The following ACSL3 variants were observed in gnomAD, a reference collection of about 807,000 sequenced individuals.
ACSL3 encodes the protein acyl-CoA synthetase long chain family member 3.
Under a neutral mutation model 84.7 loss-of-function variants are expected in ACSL3, and 34 were observed. That is an observed-to-expected ratio of 0.40 (90% CI 0.31 to 0.53). The LOEUF (loss-of-function observed/expected upper bound fraction) is 0.53. Ranked by LOEUF, ACSL3 falls within the 20% of genes least tolerant of loss-of-function variation. The probability of loss-of-function intolerance (pLI) is 0.48; values close to 1 mark genes in which losing one functional copy is unlikely to be tolerated. For synonymous variants in ACSL3, 315 were observed against 299.4 expected, an observed-to-expected ratio of 1.05 and a Z score of -0.54; for missense variants, 680 against 873.1, an observed-to-expected ratio of 0.78 and a Z score of 2.79.
intron 1 of ACSL3, among the ~76,000 whole-genome samples, chr2:222,885,358 C>T (rs1695693650): frequency 6.6e-6 from 1 of 151,984 alleles, no homozygotes; most frequent in South Asian, 2.1e-4. Context: ...TCTTGTTTGC[C>T]ATATCTTTGC....
intron 3 of ACSL3, among the ~76,000 whole-genome samples, chr2:222,903,491 C>G (rs546167923): frequency 6.6e-6 from 1 of 150,988 alleles, no homozygotes; most frequent in Non-Finnish European, 1.5e-5. Flanking sequence ...TTGTGAAACA[C>G]TCAAAGATGT....
intron 12 of ACSL3, 126 bp from the exon 13 acceptor site, chr2:222,928,736 C>G: frequency 1.2e-6 from 1 of 823,236 alleles, no homozygotes; most frequent in East Asian, 2.8e-5. Flanking sequence ...TATGTGACTT[C>G]TGCTTTTAAG....
chr2:222,924,703 C>G, intron 11 of ACSL3, 108 bp downstream of exon 11: 1 of 1,248,920 alleles, frequency 8.0e-7, no homozygotes, highest in Non-Finnish European at 1.1e-6. Context: ...AAATATATTT[C>G]ATAAAGTCAA....
chr2:222,933,482 T>A (rs1035622501), intron 15 of ACSL3: 2 of 474,832 alleles, frequency 4.2e-6, no homozygotes, highest in Non-Finnish European at 3.7e-6. Flanking sequence ...CTGTCCCTGT[T>A]TTCTGCTTTA....
At position 222,943,767 on chromosome 2, in the gene ACSL3, A is replaced by G. The variant is rs1006654663; in HGVS notation, c.*2113A>G. 6.6e-6 allele frequency: 1 copy of G among 152,106 alleles called. No individual in the cohort carries two copies. Among genetic ancestry groups the G allele is most frequent in the Non-Finnish European group, 1.5e-5 (1 of 67,968 alleles). The allele number at this position is 152,106 out of a possible 1,614,324, so 9.4% of individuals were successfully genotyped here. ...GTGACTTAAAAAATAATATCCTCTAAAATTACCCTTTCAAGAGGAAAAAAC... is the reference window on the plus strand; with the variant it reads ...GTGACTTAAAAAATAATATCCTCTAGAATTACCCTTTCAAGAGGAAAAAAC... On this transcript the variant is annotated 3_prime_UTR_variant, in exon 17 of 17. Coordinates refer to ENST00000357430, the MANE Select transcript of ACSL3 (RefSeq NM_004457.5).
chr2:222,900,035 T>C (rs1033233124), intron 2 of ACSL3, among the ~76,000 whole-genome samples: 1 of 152,192 alleles, frequency 6.6e-6, no homozygotes, highest in Non-Finnish European at 1.5e-5. Context: ...CAAACGCCTC[T>C]GACAGTAATA....
At position 222,919,102 on chromosome 2, in the gene ACSL3, CA is replaced by C; in HGVS notation, c.706del (p.Thr236LeufsTer48). ...SLVPRLRHII[T>X]VDGKPPTWSE... The stretch of plus-strand genomic sequence containing the variant: ...TGGTCCCACGCCTGCGGCACATCAT[CA>C]CTGTTGATGGAAAGCCACCGACCTG... On this transcript the variant is annotated frameshift_variant, in exon 7 of 17. Transcript: ENST00000357430. LOFTEE classifies it high-confidence loss of function. The C allele has an allele frequency of 6.2e-7, 1 of 1,614,134 alleles. No homozygotes were observed. The highest frequency in any genetic ancestry group is 8.5e-7 in the Non-Finnish European group (1 of 1,180,002).
intron 11 of ACSL3, among the ~76,000 whole-genome samples, chr2:222,925,070 C>G (rs1407185450): frequency 6.6e-6 from 1 of 151,520 alleles, no homozygotes; most frequent in Non-Finnish European, 1.5e-5. Flanking sequence ...AACACGGTGG[C>G]TCACTCCTGT....
chr2:222,890,146 T>C (rs1352466841), intron 2 of ACSL3, among the ~76,000 whole-genome samples: 1 of 152,202 alleles, frequency 6.6e-6, no homozygotes, highest in Non-Finnish European at 1.5e-5. Flanking sequence ...TTCTGTATAT[T>C]TCCACAACAT....
chr2:222,935,405 A>ACTAT (rs1251800699), intron 16 of ACSL3, among the ~76,000 whole-genome samples: 2 of 152,090 alleles, frequency 1.3e-5, no homozygotes, highest in Non-Finnish European at 2.9e-5. Context: ...ATGAGGCCTC[A>ACTAT]CTATGTTGGC....
At chr2:222,918,632 G>A (rs1696648049) in intron 6 of ACSL3, among the ~76,000 whole-genome samples, 1 of 149,308 alleles carries the variant, frequency 6.7e-6, no homozygotes, top group African/African-American at 2.5e-5. Flanking sequence ...TTCTATATGG[G>A]GGAAGGAGGA....
At chr2:222,915,320 T>C (rs1696549769) in intron 4 of ACSL3, among the ~76,000 whole-genome samples, 1 of 152,348 alleles carries the variant, frequency 6.6e-6, no homozygotes, top group South Asian at 2.1e-4. Flanking sequence ...AATTTATTTC[T>C]TAAATGCGTA....
chr2:222,923,345 CAACTT>C (rs925488320), intron 10 of ACSL3, among the ~76,000 whole-genome samples, 196 bp downstream of exon 10: 1 of 152,224 alleles, frequency 6.6e-6, no homozygotes, highest in Non-Finnish European at 1.5e-5. Flanking sequence ...ACTAAGCACT[CAACTT>C]AATTTCAGCT....
chr2:222,888,469 T>C (rs1695772353), intron 2 of ACSL3, among the ~76,000 whole-genome samples: 1 of 152,204 alleles, frequency 6.6e-6, no homozygotes, highest in Non-Finnish European at 1.5e-5. Context: ...CTGTAGGGAA[T>C]AGTCTATGTT....
Position 222,942,449 on chromosome 2 carries a change from G to A in ACSL3, c.*795G>A, listed in dbSNP as rs1040980591. On this transcript the variant is annotated 3_prime_UTR_variant, in exon 17 of 17. Transcript: ENST00000357430. ...GTCTTCTGTTCATCTGTTGAAACTA[G>A]GAAAATACCCAAACTTAAATGGAAG... The A allele has an allele frequency of 1.6e-5, 3 of 192,580 alleles. No individual in the cohort carries two copies. The highest frequency in any genetic ancestry group is 7.0e-5 in the African/African-American group (3 of 43,124). 11.9% of individuals were successfully genotyped at this position (192,580 alleles called of 1,614,324 possible).
intron 1 of ACSL3, among the ~76,000 whole-genome samples, chr2:222,878,435 A>G (rs973162183): frequency 6.6e-6 from 1 of 152,224 alleles, no homozygotes; most frequent in South Asian, 2.1e-4. Context: ...ATTGCTGCTT[A>G]TCGCCTTCTC....
chr2:222,937,608 TTAAG>T (rs1310542489), intron 16 of ACSL3, among the ~76,000 whole-genome samples: 11 of 152,298 alleles, frequency 7.2e-5, no homozygotes, highest in East Asian at 5.8e-4. Flanking sequence ...TCTGTTTTAT[TTAAG>T]TATGGCCATC....
At chr2:222,900,523 G>A (rs983329840) in intron 2 of ACSL3, among the ~76,000 whole-genome samples, 151 bp from the exon 3 acceptor site, 4 of 152,024 alleles carry the variant, frequency 2.6e-5, no homozygotes, top group African/African-American at 7.2e-5. Context: ...GTATTTTCAA[G>A]ACTGTATTTA....
chr2:222,873,272 G>A lies in ACSL3; in HGVS notation c.-207+12014G>A, dbSNP rs1695355294. Among the ~76,000 whole-genome samples, 5 of 151,714 alleles carry A rather than the reference G, an allele frequency of 3.3e-5. No homozygotes were observed. In the South Asian group the frequency reaches 1.0e-3, roughly 31 times the overall value. ...CTGACCATATATTATGTTGATTTTG[G>A]TATTGTTCGCCTATTAAGGCCAATG... On this transcript the variant is annotated intron_variant, in intron 1 of 16. Transcript: ENST00000357430.
Sources: allele counts gnomAD v4.1 joint callset (sites outside exome capture counted in the v4.1 genomes callset), GRCh38; gene constraint gnomAD v4.1.1; transcripts MANE v1.5; gene names NCBI Gene and HGNC (gene_info 2026-07-23, HGNC 2026-07-21).